The following TRPM5 variants were observed in gnomAD, a reference collection of about 807,000 sequenced individuals.
The protein encoded by TRPM5 is transient receptor potential cation channel subfamily M member 5, also known as MLSN1 and TRP-related.
A neutral mutation model predicts 124.9 loss-of-function variants in TRPM5; 121 were observed. The observed-to-expected ratio is 0.97, with a 90% confidence interval of 0.84 to 1.13. TRPM5 has a LOEUF of 1.13. Ranked by LOEUF, TRPM5 falls within the 50% of genes most tolerant of loss-of-function variation. The pLI is 0.00. For synonymous variants in TRPM5, 781 were observed against 700.5 expected (o/e 1.11, Z -1.81); for missense variants, 1,643 against 1,589.1 (o/e 1.03, Z -0.58).
chr11:2,419,861 G>A (rs940180265), intron 4 of TRPM5, among the ~76,000 whole-genome samples: 2 of 152,192 alleles, frequency 1.3e-5, no homozygotes, highest in Non-Finnish European at 2.9e-5. Flanking sequence ...GCCTGGCGGC[G>A]GGAAGTAGCC....
rs193227060 is a variant in TRPM5 at position 2,407,050 on chromosome 11, C to T, written c.3118+69G>A. On this transcript the variant is annotated intron_variant, in intron 20 of 23. Transcript: ENST00000155858. ...CAGGTCTCTCCAGACCTGCCTCCAGCGCACAGCCCCGCCCTGGGACCCGCC... is the reference window on the plus strand; with the variant it reads ...CAGGTCTCTCCAGACCTGCCTCCAGTGCACAGCCCCGCCCTGGGACCCGCC... 1.5e-3 allele frequency: 2,186 copies of T among 1,450,148 alleles called. 50 individuals carry two copies. In the Admixed American group the frequency reaches 0.046, roughly 30 times the overall value. 89.8% of individuals were successfully genotyped at this position (1,450,148 alleles called of 1,614,324 possible).
chr11:2,407,887 G>A lies in TRPM5; in HGVS notation c.2808C>T (p.His936=), dbSNP rs138452711. ...ATGGTGAGTCCTCCAGCAGCAGTGG[G>A]TGGGTGGAGCAGTTCACACGGGCTT... The change falls in exon 19 of 24, where the codon CAC becomes CAT. Residue 936 remains histidine (H), a synonymous_variant. Transcript: ENST00000155858. 3.9e-4 allele frequency: 637 copies of A among 1,613,870 alleles called. 2 individuals are homozygous for A. The African/African-American group carries it at 7.8e-3, about 20-fold the overall frequency.
chr11:2,425,080 T>C (rs1204052697), upstream of TRPM5, among the ~76,000 whole-genome samples: 2 of 152,154 alleles, frequency 1.3e-5, no homozygotes, highest in African/African-American at 4.8e-5. Flanking sequence ...TGGAGACGCC[T>C]GGTGGTTTTC....
chr11:2,414,011 C>CCCCCCCCCCCCCCCCCCCCCCCCCCAA, intron 12 of TRPM5, 50 bp downstream of exon 17: 1 of 482,248 alleles, frequency 2.1e-6, no homozygotes, highest in Non-Finnish European at 4.1e-6. Flanking sequence ...CCCAGCTCGC[C>CCCCCCCCCCCCCCCCCCCCCCCCCCAA]CGCCCACCCC....
exon 24 of TRPM5, chr11:2,404,993 C>T (rs759052185): frequency 5.0e-6 from 8 of 1,612,852 alleles, no homozygotes; most frequent in South Asian, 1.1e-5. Flanking sequence ...TCTAAACCAC[C>T]TCTGTGGTCA....
intron 15 of TRPM5, 92 bp from the exon 21 acceptor site, chr11:2,412,345 G>A (rs1850469817): frequency 1.0e-6 from 1 of 999,980 alleles, no homozygotes; most frequent in Non-Finnish European, 1.6e-6. Context: ...GTAAGGATCA[G>A]GGTTCCATCT....
chr11:2,421,951 T>C (rs7108420), intron 2 of TRPM5, among the ~76,000 whole-genome samples, 190 bp downstream of exon 7: 3,085 of 139,864 alleles, frequency 0.022, 125 homozygotes, highest in African/African-American at 0.077. Context: ...GTTCTCGTGA[T>C]GGCCTGGAGA....
chr11:2,427,682 T>TA (rs1047945880), upstream of TRPM5, among the ~76,000 whole-genome samples: 13 of 152,368 alleles, frequency 8.5e-5, no homozygotes, highest in African/African-American at 3.1e-4. Flanking sequence ...CTAGGCCACT[T>TA]AGATTGCTGT....
At chr11:2,413,102 C>T (rs1367708932) in intron 14 of TRPM5, 32 bp downstream of exon 19, 1 of 1,549,688 alleles carries the variant, frequency 6.5e-7, no homozygotes, top group East Asian at 2.4e-5. Flanking sequence ...CCCGCCAGTC[C>T]CCTCCACCCT....
chr11:2,419,622 C>CAAAAAAAAA (rs3986606), intron 4 of TRPM5, among the ~76,000 whole-genome samples: 16 of 126,954 alleles, frequency 1.3e-4, no homozygotes, highest in African/African-American at 4.5e-4. Context: ...GATTCTGCCT[C>CAAAAAAAAA]AAAAAAAAAA....
chr11:2,404,029 C>G (rs991741282), downstream of TRPM5, among the ~76,000 whole-genome samples: 2 of 152,304 alleles, frequency 1.3e-5, no homozygotes, highest in East Asian at 1.9e-4. Context: ...GAATTGGAAA[C>G]CCCAGGCCTC....
chr11:2,418,068 G>A (rs1213387787), intron 6 of TRPM5, 99 bp downstream of exon 11: 5 of 1,181,888 alleles, frequency 4.2e-6, no homozygotes, highest in African/African-American at 1.5e-5. Flanking sequence ...CCTGAGGTGG[G>A]AGGAGTGGGC....
chr11:2,405,461 C>T (rs891688821), intron 23 of TRPM5, 66 bp downstream of exon 28: 21 of 1,480,042 alleles, frequency 1.4e-5, no homozygotes, highest in African/African-American at 2.8e-5. Flanking sequence ...CAGCCTACGG[C>T]CCCCCAGCCG....
At chr11:2,411,127 A>G (rs374448033) in intron 18 of TRPM5, among the ~76,000 whole-genome samples, 120 of 152,222 alleles carry the variant, frequency 7.9e-4, no homozygotes, top group Non-Finnish European at 2.5e-4. Context: ...CCCAGGTCCC[A>G]GGTCGGGGCT....
intron 7 of TRPM5, among the ~76,000 whole-genome samples, chr11:2,416,867 A>T (rs547292557): frequency 1.3e-5 from 2 of 152,230 alleles, no homozygotes; most frequent in Admixed American, 6.5e-5. Context: ...AGACGCATCA[A>T]CCACGGTCTG....
the TRPM5 span, among the ~76,000 whole-genome samples, chr11:2,440,735 C>A: frequency 6.6e-6 from 1 of 152,184 alleles, no homozygotes; most frequent in South Asian, 2.1e-4. This position sits in a 1 kb window ranked among gnomAD's most constrained non-coding sequence, Gnocchi z 5.2. Context: ...CGGTGCTCTG[C>A]GAGGATCTGG....
At chr11:2,431,741 A>T in the TRPM5 span, among the ~76,000 whole-genome samples, 1 of 141,694 alleles carries the variant, frequency 7.1e-6, no homozygotes, top group African/African-American at 2.9e-5. Flanking sequence ...CCTTCCTCAG[A>T]GACCCCCTCA....
At chr11:2,415,045 C>T (rs1188343135) in exon 10 of TRPM5, 31 of 1,600,626 alleles carry the variant, frequency 1.9e-5, no homozygotes, top group Non-Finnish European at 2.5e-5. Flanking sequence ...CCGGGCCCTT[C>T]TCCTGGAGGA....
chr11:2,414,009 G>GGGGGGGCCCCCCCCCCCCCCCCCCCCCCC, intron 12 of TRPM5, 52 bp downstream of exon 17: 13 of 1,023,676 alleles, frequency 1.3e-5, no homozygotes, highest in East Asian at 2.8e-5. Context: ...GGCCCAGCTC[G>GGGGGGGCCCCCCCCCCCCCCCCCCCCCCC]CCCGCCCACC....
Sources: gnomAD v4.1 joint callset for allele counts (sites outside exome capture counted in the v4.1 genomes callset) on GRCh38, gnomAD v4.1.1 for gene constraint, Gnocchi (gnomAD v3.1) non-coding constraint, MANE v1.5 for transcripts, NCBI Gene and HGNC (gene_info 2026-07-23, HGNC 2026-07-21) for gene names.